The following IRAG1 variants were observed in gnomAD, a reference collection of about 807,000 sequenced individuals.
IRAG1 encodes inositol 1,4,5-triphosphate receptor associated 1, also known as IP3R-associated cGMP kinase substrate.
A neutral mutation model predicts 106.2 loss-of-function variants in IRAG1; 62 were observed. That is an observed-to-expected ratio of 0.58 (90% CI 0.48 to 0.72). IRAG1 has a LOEUF of 0.72. Among genes scored for constraint, IRAG1 ranks in the 30% least tolerant of loss-of-function variants. The pLI, the probability that IRAG1 is intolerant of heterozygous loss-of-function variation, is 0.00. For synonymous variants in IRAG1, 462 were observed against 443.9 expected, an observed-to-expected ratio of 1.04 and a Z score of -0.51; for missense variants, 1,064 against 1,140.7, an observed-to-expected ratio of 0.93 and a Z score of 0.97.
chr11:10,614,862 T>C (rs993033663), intron 10 of IRAG1, among the ~76,000 whole-genome samples: 8 of 152,164 alleles, frequency 5.3e-5, no homozygotes. Context: ...GGCAATACCA[T>C]TCAGGACATA....
chr11:10,581,174 T>G (rs932844764), intron 19 of IRAG1, among the ~76,000 whole-genome samples: 2 of 152,282 alleles, frequency 1.3e-5, no homozygotes, highest in Non-Finnish European at 2.9e-5. Context: ...AAACATACTC[T>G]GTTCACTTGT....
chr11:10,582,035 G>C (rs75642969), intron 18 of IRAG1, 49 bp from the exon 19 acceptor site: 179,054 of 1,565,944 alleles, frequency 0.11, 10,949 homozygotes, highest in Admixed American at 0.14. Flanking sequence ...AAAGGTGGAG[G>C]CCTAAAAACA....
At chr11:10,648,130 G>A (rs1271711781) in intron 2 of IRAG1, among the ~76,000 whole-genome samples, 1 of 152,168 alleles carries the variant, frequency 6.6e-6, no homozygotes, top group Non-Finnish European at 1.5e-5. Context: ...TTGGGAGGCC[G>A]AGGTGGGCAG....
chr11:10,583,903 G>A (rs1851654066), intron 18 of IRAG1, among the ~76,000 whole-genome samples: 1 of 152,122 alleles, frequency 6.6e-6, no homozygotes, highest in Non-Finnish European at 1.5e-5. Flanking sequence ...AAGGTCATCT[G>A]CTGAGAGTGA....
chr11:10,660,901 C>T (rs779364213), intron 1 of IRAG1, among the ~76,000 whole-genome samples: 10 of 152,196 alleles, frequency 6.6e-5, no homozygotes, highest in Non-Finnish European at 1.2e-4. Flanking sequence ...GCCCTTCCTC[C>T]CATCCCTGGC....
At chr11:10,677,234 T>G (rs948037102) in intron 1 of IRAG1, among the ~76,000 whole-genome samples, 1 of 152,186 alleles carries the variant, frequency 6.6e-6, no homozygotes, top group African/African-American at 2.4e-5. Flanking sequence ...CTTTCTTACC[T>G]ACCTGCCAGA....
chr11:10,672,185 C>T (rs773377670), intron 1 of IRAG1, among the ~76,000 whole-genome samples: 17 of 152,176 alleles, frequency 1.1e-4, no homozygotes, highest in Admixed American at 1.1e-3. Context: ...CTATACCATA[C>T]ACAAAAATTA....
At chr11:10,594,928 A>T (rs1258346360) in intron 15 of IRAG1, among the ~76,000 whole-genome samples, 2 of 152,012 alleles carry the variant, frequency 1.3e-5, no homozygotes, top group Admixed American at 6.6e-5. Context: ...TTTCAAAAAA[A>T]AATTTTTTTT....
intron 14 of IRAG1, 111 bp from the exon 15 acceptor site, chr11:10,601,170 C>A (rs1156345266): frequency 7.0e-7 from 1 of 1,423,676 alleles, no homozygotes; most frequent in Non-Finnish European, 9.5e-7. Flanking sequence ...GATACAGGGA[C>A]AAGACTCTGC....
rs150770499 is a variant in IRAG1 at position 10,640,154 on chromosome 11, T to C, written c.226-6083A>G. On this transcript the variant is annotated intron_variant, in intron 2 of 20. Transcript: ENST00000423302. The stretch of plus-strand genomic sequence containing the variant: ...GGCACGGGAGTGAGCTGCCTTCTGA[T>C]AGGAGCTTTCTCTGCTTGCTGGCTA... Among the ~76,000 whole-genome samples the C allele has an allele frequency of 3.6e-3, 553 of 152,316 alleles. 2 individuals are homozygous for C. The highest frequency in any genetic ancestry group is 0.01 in the African/African-American group (428 of 41,566).
chr11:10,630,745 C>T (rs1209630771), intron 4 of IRAG1, among the ~76,000 whole-genome samples: 1 of 152,224 alleles, frequency 6.6e-6, no homozygotes, highest in African/African-American at 2.4e-5. Context: ...TCCACTTCAG[C>T]TGTGTCTGCA....
At chr11:10,658,200 C>T (rs558706197) in intron 1 of IRAG1, among the ~76,000 whole-genome samples, 92 of 152,340 alleles carry the variant, frequency 6.0e-4, no homozygotes, top group African/African-American at 2.1e-3. Context: ...TCCGCGACTC[C>T]ACAAGTGAGC....
intron 1 of IRAG1, among the ~76,000 whole-genome samples, chr11:10,655,154 G>A (rs760872494): frequency 7.9e-5 from 12 of 152,174 alleles, no homozygotes; most frequent in South Asian, 2.1e-4. Context: ...TATGTGTGAC[G>A]TATGTACAGG....
chr11:10,622,863 G>T (rs971111970), intron 10 of IRAG1, among the ~76,000 whole-genome samples: 1 of 57,976 alleles, frequency 1.7e-5, no homozygotes, highest in African/African-American at 5.9e-5. Context: ...GCCAGGCATT[G>T]TTGTAAGCAG....
intron 1 of IRAG1, among the ~76,000 whole-genome samples, chr11:10,680,488 A>G (rs181200594): frequency 1.4e-5 from 2 of 139,152 alleles, no homozygotes; most frequent in Non-Finnish European, 3.1e-5. Flanking sequence ...AGAGGAAGGG[A>G]GGGAGAAAGA....
At chr11:10,600,574 G>C (rs1427066468) in intron 15 of IRAG1, among the ~76,000 whole-genome samples, 1 of 152,196 alleles carries the variant, frequency 6.6e-6, no homozygotes, top group African/African-American at 2.4e-5. Flanking sequence ...TGCCTAAAAG[G>C]GGATCCCAAA....
intron 18 of IRAG1, chr11:10,589,298 C>A (rs1192845880): frequency 6.6e-6 from 1 of 152,150 alleles, no homozygotes; most frequent in African/African-American, 2.4e-5. Flanking sequence ...TTCTCTTTCA[C>A]GATATGGATA....
At chr11:10,629,377 G>A (rs1343275803) in intron 5 of IRAG1, among the ~76,000 whole-genome samples, 161 bp downstream of exon 5, 1 of 152,142 alleles carries the variant, frequency 6.6e-6, no homozygotes, top group South Asian at 2.1e-4. Context: ...AGAGATCAAG[G>A]GAAGGGAGCC....
intron 10 of IRAG1, among the ~76,000 whole-genome samples, chr11:10,616,085 C>T (rs1279940126): frequency 1.3e-5 from 2 of 151,210 alleles, no homozygotes; most frequent in Non-Finnish European, 3.0e-5. Context: ...GCGGGCGGAT[C>T]ACGAGGTCAG....
Sources: gnomAD v4.1 joint callset for allele counts (sites outside exome capture counted in the v4.1 genomes callset) on GRCh38, gnomAD v4.1.1 for gene constraint, MANE v1.5 for transcripts, NCBI Gene and HGNC (gene_info 2026-07-23, HGNC 2026-07-21) for gene names.